Variants in RELCH observed in about 807,000 individuals in gnomAD.
RELCH encodes the protein RAB11 binding and LisH domain, coiled-coil and HEAT repeat containing.
Under a neutral mutation model 150.3 loss-of-function variants are expected in RELCH, and 41 were observed. That is an observed-to-expected ratio of 0.27 (90% CI 0.21 to 0.35). The LOEUF (loss-of-function observed/expected upper bound fraction) is 0.35. Among genes scored for constraint, RELCH ranks in the 10% least tolerant of loss-of-function variants. The probability of loss-of-function intolerance (pLI) is 1.00; values close to 1 mark genes in which losing one functional copy is unlikely to be tolerated. For missense variants in RELCH, 1,092 were observed against 1,467.8 expected (o/e 0.74, Z 4.18); for synonymous variants, 478 against 531.8 (o/e 0.90, Z 1.39).
chr18:62,255,514 T>A, intron 13 of RELCH, 36 bp downstream of exon 13: 1 of 1,481,254 alleles, frequency 6.8e-7, no homozygotes, highest in Non-Finnish European at 9.2e-7. Flanking sequence ...TAAACTATTT[T>A]TCCAATAATA....
In RELCH at chr18:62,252,322, A is replaced by G. The variant is rs560246413; in HGVS notation, c.1734-342A>G. Among the ~76,000 whole-genome samples the G allele has an allele frequency of 9.2e-5, 14 of 152,056 alleles. No homozygotes were observed. The South Asian group carries it at 2.7e-3, about 29-fold the overall frequency. On this transcript the variant is annotated intron_variant, in intron 11 of 28. Coordinates refer to ENST00000644646, the MANE Select transcript of RELCH (RefSeq NM_001346231.2). ...CCAAAAGGTCTAATTTTTCAAAACC[A>G]GACTGTGCAACATGGTGAAACGCCG...
intron 28 of RELCH, among the ~76,000 whole-genome samples, chr18:62,299,497 T>C (rs2045569427): frequency 6.6e-6 from 1 of 152,144 alleles, no homozygotes; most frequent in Non-Finnish European, 1.5e-5. Flanking sequence ...TGTTTCATCC[T>C]ATCAGTCTAG....
chr18:62,291,598 G>T lies in RELCH; in HGVS notation c.3426G>T (p.Arg1142=). The change falls in exon 27 of 29, where the codon CGG becomes CGT. Residue 1142 remains arginine, a synonymous_variant. Coordinates refer to ENST00000644646, the MANE Select transcript of RELCH (RefSeq NM_001346231.2). ...NHFLPGLRCL[R]TDMEHLSPEH... ...TTTTACCTGGTCTCAGATGTTTACGGACTGACATGGAACATCTCTCTCCAG... is the reference window on the plus strand; with the variant it reads ...TTTTACCTGGTCTCAGATGTTTACGTACTGACATGGAACATCTCTCTCCAG... The T allele has an allele frequency of 6.2e-7, 1 of 1,609,740 alleles. No homozygotes were observed. The highest frequency in any genetic ancestry group is 1.1e-5 in the South Asian group (1 of 90,340).
chr18:62,285,620 G>T (rs1419683751), intron 25 of RELCH: 1 of 152,194 alleles, frequency 6.6e-6, no homozygotes, highest in Non-Finnish European at 1.5e-5. Flanking sequence ...GCTAGGCATG[G>T]TGGCACGTAT....
At chr18:62,248,768 T>C (rs2042552045) in intron 11 of RELCH, among the ~76,000 whole-genome samples, 2 of 152,202 alleles carry the variant, frequency 1.3e-5, no homozygotes, top group Admixed American at 1.3e-4. Flanking sequence ...AGATACGGTA[T>C]GTTATTTTGG....
chr18:62,203,281 C>T (rs2039565033), intron 1 of RELCH, among the ~76,000 whole-genome samples: 1 of 152,074 alleles, frequency 6.6e-6, no homozygotes, highest in Non-Finnish European at 1.5e-5. Flanking sequence ...CATGGTGAAA[C>T]CCCATCTCTA....
chr18:62,274,639 T>C (rs1283222259), intron 21 of RELCH, among the ~76,000 whole-genome samples: 1 of 152,238 alleles, frequency 6.6e-6, no homozygotes, highest in South Asian at 2.1e-4. Flanking sequence ...CCATGTGACA[T>C]ACATAGGACA....
intron 10 of RELCH, among the ~76,000 whole-genome samples, chr18:62,234,044 T>G (rs1275444467): frequency 6.6e-6 from 1 of 151,916 alleles, no homozygotes; most frequent in Non-Finnish European, 1.5e-5. Flanking sequence ...TCTTTGTTCA[T>G]TTAATTATTT....
chr18:62,268,123 A>G (rs959405358), intron 19 of RELCH, among the ~76,000 whole-genome samples: 20 of 152,108 alleles, frequency 1.3e-4, no homozygotes, highest in African/African-American at 4.6e-4. Context: ...AGTATAGTAT[A>G]GTAAAAAACT....
At chr18:62,247,387 A>C (rs1339435689) in intron 11 of RELCH, 1 of 152,226 alleles carries the variant, frequency 6.6e-6, no homozygotes, top group Non-Finnish European at 1.5e-5. Flanking sequence ...AATGGAGCCA[A>C]AATAAATGTA....
At chr18:62,229,526 CT>C (rs1020968369) in intron 8 of RELCH, among the ~76,000 whole-genome samples, 7 of 134,996 alleles carry the variant, frequency 5.2e-5, no homozygotes, top group Non-Finnish European at 9.7e-5. Flanking sequence ...GTGTGTCTGT[CT>C]GTCTGTCTGT....
chr18:62,221,002 A>G, intron 2 of RELCH, 35 bp from the exon 3 acceptor site: 1 of 1,532,034 alleles, frequency 6.5e-7, no homozygotes, highest in Non-Finnish European at 9.0e-7. Context: ...TCTTGGTTGG[A>G]TGCCTGTGTG....
At chr18:62,223,689 G>C (rs996457495) in intron 5 of RELCH, among the ~76,000 whole-genome samples, 1 of 151,944 alleles carries the variant, frequency 6.6e-6, no homozygotes, top group African/African-American at 2.4e-5. Flanking sequence ...TAACATTTTA[G>C]CAAATCAAAT....
intron 1 of RELCH, among the ~76,000 whole-genome samples, chr18:62,204,399 A>C (rs1043620665): frequency 6.6e-6 from 1 of 152,144 alleles, no homozygotes; most frequent in African/African-American, 2.4e-5. Flanking sequence ...GCAGTGTCTC[A>C]ATCATGGCTC....
At chr18:62,298,706 A>G (rs1436815930) in intron 27 of RELCH, 84 bp from the exon 28 acceptor site, 4 of 688,524 alleles carry the variant, frequency 5.8e-6, no homozygotes, top group Non-Finnish European at 1.0e-5. Flanking sequence ...AGCTTATAGG[A>G]ATATTAAAAA....
rs186300041 is a variant in RELCH at position 62,255,698 on chromosome 18, A to G, written c.1896+220A>G. 2.8e-3 allele frequency among the ~76,000 whole-genome samples: 422 copies of G among 152,196 alleles called. 2 individuals carry two copies. Among genetic ancestry groups the G allele is most frequent in the Non-Finnish European group, 3.6e-3 (248 of 68,002 alleles). On this transcript the variant is annotated intron_variant, in intron 13 of 28. Coordinates refer to ENST00000644646, the MANE Select transcript of RELCH (RefSeq NM_001346231.2). ...TGGATGAGTATAAATATATTAAACT[A>G]TATCAGCAGTTCTCATAGTGTGGTC...
At chr18:62,213,445 A>T (rs1335927662) in intron 2 of RELCH, among the ~76,000 whole-genome samples, 2 of 152,162 alleles carry the variant, frequency 1.3e-5, no homozygotes, top group Non-Finnish European at 2.9e-5. Context: ...ATTTATGATC[A>T]TTAGGCCGGG....
chr18:62,290,792 C>A (rs2045087858), intron 26 of RELCH, among the ~76,000 whole-genome samples: 1 of 152,140 alleles, frequency 6.6e-6, no homozygotes, highest in Admixed American at 6.5e-5. Flanking sequence ...CTCTGTTATC[C>A]AACTCAATCA....
At chr18:62,195,538 A>G (rs1376019405) in intron 1 of RELCH, among the ~76,000 whole-genome samples, 1 of 152,090 alleles carries the variant, frequency 6.6e-6, no homozygotes, top group Non-Finnish European at 1.5e-5. Flanking sequence ...GTAGAGATGT[A>G]ATGTGATCAA....
Sources: gnomAD v4.1 joint callset for allele counts (sites outside exome capture counted in the v4.1 genomes callset) on GRCh38, gnomAD v4.1.1 for gene constraint, MANE v1.5 for transcripts, NCBI Gene and HGNC (gene_info 2026-07-23, HGNC 2026-07-21) for gene names.